Variants in UBFD1 observed in about 807,000 individuals in gnomAD.
The protein encoded by UBFD1 is ubiquitin domain-containing protein UBFD1.
Under a neutral mutation model 35.1 loss-of-function variants are expected in UBFD1, and 12 were observed. That is an observed-to-expected ratio of 0.34 (90% CI 0.22 to 0.55). The LOEUF (loss-of-function observed/expected upper bound fraction) is 0.55. Ranked by LOEUF, UBFD1 falls within the 20% of genes least tolerant of loss-of-function variation. The probability of loss-of-function intolerance (pLI) is 0.89; values close to 1 mark genes in which losing one functional copy is unlikely to be tolerated. For missense variants in UBFD1, 337 were observed against 410.8 expected (o/e 0.82, Z 1.55); for synonymous variants, 178 against 167.6 (o/e 1.06, Z -0.48).
intron 5 of UBFD1, chr16:23,564,758 A>T (rs1965986719): frequency 6.6e-6 from 1 of 152,202 alleles, no homozygotes; most frequent in South Asian, 2.1e-4. Flanking sequence ...TTCCTTGGGG[A>T]ATATTTCTGT....
chr16:23,558,231 C>T lies in UBFD1; in HGVS notation c.307C>T (p.Leu103=), dbSNP rs772737210. Residue 103 remains leucine, a synonymous_variant, in exon 2 of 7, where the codon CTG becomes TTG. Transcript: ENST00000395878. ...GACCAAGCATGACGTGAAGTTCCCC[C>T]TGGACAGCACAGGCTCCGAGCTGAA... ...NKTKHDVKFP[L]DSTGSELKQK... The T allele has an allele frequency of 4.3e-6, 7 of 1,609,766 alleles. No individual in the cohort carries two copies. The highest frequency in any genetic ancestry group is 1.3e-5 in the African/African-American group (1 of 74,608).
In UBFD1 at chr16:23,572,129, GCTGTAGTTCA is replaced by G. The variant is rs1225929005; in HGVS notation, c.*1540_*1549del. The G allele has an allele frequency of 3.9e-5, 6 of 152,756 alleles. No individual in the cohort carries two copies. Among genetic ancestry groups the G allele is most frequent in the South Asian group, 2.1e-4 (1 of 4,824 alleles). The allele number at this position is 152,756 out of a possible 1,614,324, so 9.5% of individuals were successfully genotyped here. A position where few individuals can be genotyped will look rare whatever the true frequency, so the allele number is the denominator to read the frequency against. On this transcript the variant is annotated 3_prime_UTR_variant, in exon 7 of 7. Transcript: ENST00000395878. ...GATATTCTACGCCCTTCCCTTCTAA[GCTGTAGTTCA>G]GGAATCCAGCCCACATAGACAGACT...
At position 23,572,361 on chromosome 16, in the gene UBFD1, C is replaced by T. The variant is rs1966096765; in HGVS notation, c.*1771C>T. On this transcript the variant is annotated 3_prime_UTR_variant, in exon 7 of 7. Transcript: ENST00000395878. ...CCTGCAGTTCCTGGGGAAAAGAGTA[C>T]ATCTGAGCTACTTGTCCAAGCCTCT... 1 of 152,240 alleles carries T rather than the reference C, an allele frequency of 6.6e-6. No homozygotes were observed. The highest frequency in any genetic ancestry group is 2.1e-4 in the South Asian group (1 of 4,834). The allele number at this position is 152,240 out of a possible 1,614,324, so 9.4% of individuals were successfully genotyped here.
chr16:23,558,393 A>G, intron 2 of UBFD1, 114 bp downstream of exon 2: 7 of 1,285,872 alleles, frequency 5.4e-6, no homozygotes, highest in Non-Finnish European at 7.3e-6. Context: ...TCCTTACAGC[A>G]GTCTTCTGAA....
intron 5 of UBFD1, 62 bp downstream of exon 5, chr16:23,562,792 C>T: frequency 7.2e-7 from 1 of 1,397,580 alleles, no homozygotes; most frequent in Non-Finnish European, 1.0e-6. Flanking sequence ...GCAGCACTCA[C>T]ATTTTAGAGT....
intron 6 of UBFD1, among the ~76,000 whole-genome samples, chr16:23,567,325 A>G (rs1247940112): frequency 6.6e-6 from 1 of 152,222 alleles, no homozygotes; most frequent in African/African-American, 2.4e-5. Context: ...CTCTTTTAGA[A>G]AAGTCTCTCT....
chr16:23,572,375 G>T lies in UBFD1; in HGVS notation c.*1785G>T, dbSNP rs1966097227. 1 of 152,236 alleles carries T rather than the reference G, an allele frequency of 6.6e-6. No homozygotes were observed. The highest frequency in any genetic ancestry group is 1.5e-5 in the Non-Finnish European group (1 of 68,058). 9.4% of individuals were successfully genotyped at this position (152,236 alleles called of 1,614,324 possible). On this transcript the variant is annotated 3_prime_UTR_variant, in exon 7 of 7. Transcript: ENST00000395878. ...GGAAAAGAGTACATCTGAGCTACTTGTCCAAGCCTCTGTCTGCAGGTGACA... is the reference window on the plus strand; with the variant it reads ...GGAAAAGAGTACATCTGAGCTACTTTTCCAAGCCTCTGTCTGCAGGTGACA...
At chr16:23,561,171 C>T (rs1414913735) in intron 3 of UBFD1, among the ~76,000 whole-genome samples, 1 of 152,176 alleles carries the variant, frequency 6.6e-6, no homozygotes, top group African/African-American at 2.4e-5. Context: ...GATATAGTCC[C>T]TTGCCTTTTT....
At position 23,574,325 on chromosome 16, in the gene UBFD1, C is replaced by T. The variant is rs1248695858; in HGVS notation, c.*3735C>T. ...GCTGGATTTTTTTTTTAAAGTGTAA[C>T]CTTGAATAGCTGTCTTATTGTTTAT... On this transcript the variant is annotated 3_prime_UTR_variant, in exon 7 of 7. Coordinates refer to ENST00000395878, the MANE Select transcript of UBFD1 (RefSeq NM_019116.3). The T allele has an allele frequency of 1.3e-5, 2 of 152,218 alleles. No homozygotes were observed. The highest frequency in any genetic ancestry group is 1.5e-5 in the Non-Finnish European group (1 of 67,956). The allele number at this position is 152,218 out of a possible 1,614,324, so 9.4% of individuals were successfully genotyped here.
chr16:23,569,302 C>T (rs988350792), intron 6 of UBFD1: 4 of 152,116 alleles, frequency 2.6e-5, no homozygotes, highest in Non-Finnish European at 4.4e-5. Flanking sequence ...ACCTGTAATC[C>T]CAGCACTTTG....
rs1235133030 is a variant in UBFD1, at chr16:23,571,862, G to C, written c.*1272G>C. The stretch of plus-strand genomic sequence containing the variant: ...CGTGAACTTCTGTCATCTCCTTCTG[G>C]CTTGGTTGCCTCTGAAAGGAGGGAA... On this transcript the variant is annotated 3_prime_UTR_variant, in exon 7 of 7. Coordinates refer to ENST00000395878, the MANE Select transcript of UBFD1 (RefSeq NM_019116.3). 6.6e-6 allele frequency: 1 copy of C among 152,576 alleles called. No homozygotes were observed. The highest frequency in any genetic ancestry group is 1.5e-5 in the Non-Finnish European group (1 of 68,038). 9.5% of individuals were successfully genotyped at this position (152,576 alleles called of 1,614,324 possible). A position where few individuals can be genotyped will look rare whatever the true frequency, so the allele number is the denominator to read the frequency against.
chr16:23,561,823 A>ATTT (rs5816219), intron 3 of UBFD1: 3 of 142,702 alleles, frequency 2.1e-5, no homozygotes, highest in Admixed American at 7.2e-5. Flanking sequence ...TTCAGTGGTG[A>ATTT]TTTTTTTTTT....
chr16:23,565,564 T>C (rs554428647), intron 5 of UBFD1: 1 of 152,332 alleles, frequency 6.6e-6, no homozygotes, highest in South Asian at 2.1e-4. Context: ...AGACAGCTGC[T>C]GCCCAGGTCC....
In UBFD1 at chr16:23,562,281, A is replaced by G. The variant is rs1410898302; in HGVS notation, c.630+10A>G. 1 of 1,613,172 alleles carries G rather than the reference A, an allele frequency of 6.2e-7. No homozygotes were observed. The highest frequency in any genetic ancestry group is 1.3e-5 in the African/African-American group (1 of 74,770). On this transcript the variant is annotated intron_variant, in intron 4 of 6. Transcript: ENST00000395878. ...TGTTAAGGGGGCCCAGGTAAGGCGG[A>G]TTTCTTTGTGAGCATTCTGAAAATG...
intron 1 of UBFD1, 30 bp downstream of exon 1, chr16:23,557,797 G>T (rs1323190002): frequency 5.5e-6 from 7 of 1,276,432 alleles, no homozygotes; most frequent in Non-Finnish European, 6.9e-6. Context: ...CGGGCGCCGG[G>T]CCGGGGCTGA....
rs565365156 is a variant in UBFD1 at position 23,562,737 on chromosome 16, T to A, written c.736+7T>A. 6.2e-7 allele frequency: 1 copy of A among 1,613,166 alleles called. No individual in the cohort carries two copies. Among genetic ancestry groups the A allele is most frequent in the South Asian group, 1.1e-5 (1 of 91,042 alleles). On this transcript the variant is annotated splice_region_variant and intron_variant, in intron 5 of 6. Transcript: ENST00000395878. Reference sequence around the variant, plus strand: ...CTGTGGATTGGCACTAAAGGTATGTTCTTCCTCGCCTCCTTGCTGGCCCAC... The same window carrying A: ...CTGTGGATTGGCACTAAAGGTATGTACTTCCTCGCCTCCTTGCTGGCCCAC...
intron 3 of UBFD1, among the ~76,000 whole-genome samples, chr16:23,561,315 T>A (rs1051563697): frequency 6.6e-6 from 1 of 152,210 alleles, no homozygotes; most frequent in Non-Finnish European, 1.5e-5. Flanking sequence ...GGCTGCCTAG[T>A]GCTTACATTT....
Position 23,570,799 on chromosome 16 carries a change from C to T in UBFD1, c.*209C>T. The T allele has an allele frequency of 2.2e-6, 1 of 451,424 alleles. No homozygotes were observed. The highest frequency in any genetic ancestry group is 4.0e-6 in the Non-Finnish European group (1 of 252,298). 28.0% of individuals were successfully genotyped at this position (451,424 alleles called of 1,614,324 possible). The stretch of plus-strand genomic sequence containing the variant: ...TTAAAATTACCAGTTCCCTTTCTTG[C>T]AGTCAGCTTCATACCATTTTTAAAG... On this transcript the variant is annotated 3_prime_UTR_variant, in exon 7 of 7. Coordinates refer to ENST00000395878, the MANE Select transcript of UBFD1 (RefSeq NM_019116.3).
intron 5 of UBFD1, among the ~76,000 whole-genome samples, chr16:23,564,273 A>G (rs1965980229): frequency 6.6e-6 from 1 of 152,216 alleles, no homozygotes; most frequent in Non-Finnish European, 1.5e-5. Flanking sequence ...TAAAACACAA[A>G]AATCAGTGTT....
Sources: allele counts gnomAD v4.1 joint callset (sites outside exome capture counted in the v4.1 genomes callset), GRCh38; gene constraint gnomAD v4.1.1; transcripts MANE v1.5; gene names NCBI Gene and HGNC (gene_info 2026-07-23, HGNC 2026-07-21).